Variants in EPHA5 observed in about 807,000 individuals in gnomAD.
The protein encoded by EPHA5 is EPH receptor A5, also known as ephrin type-A receptor 5.
EPHA5 carries 60 observed loss-of-function variants against 105.0 expected under a neutral mutation model. The ratio of observed to expected loss-of-function variants is 0.57; its 90% confidence interval spans 0.46 to 0.71. EPHA5 has a LOEUF of 0.71. Among genes scored for constraint, EPHA5 ranks in the 30% least tolerant of loss-of-function variants. The pLI, the probability that EPHA5 is intolerant of heterozygous loss-of-function variation, is 0.00. For missense variants in EPHA5, 1,218 were observed against 1,274.7 expected (o/e 0.96, Z 0.68); for synonymous variants, 513 against 449.1 (o/e 1.14, Z -1.80).
intron 3 of EPHA5, among the ~76,000 whole-genome samples, chr4:65,520,259 C>T (rs571462689): frequency 6.6e-6 from 1 of 152,002 alleles, no homozygotes; most frequent in Non-Finnish European, 1.5e-5. Context: ...ACAAACCTGA[C>T]AAAAACAAGC....
At chr4:65,359,785 T>C (rs191405251) in intron 11 of EPHA5, among the ~76,000 whole-genome samples, 1 of 151,780 alleles carries the variant, frequency 6.6e-6, no homozygotes, top group East Asian at 1.9e-4. Flanking sequence ...CACTGGGTCC[T>C]ACCACCTCTT....
intron 5 of EPHA5, among the ~76,000 whole-genome samples, chr4:65,442,352 C>A (rs1726102285): frequency 6.6e-6 from 1 of 152,110 alleles, no homozygotes. Flanking sequence ...TAGCAGAAGG[C>A]AACTGTGTGC....
At chr4:65,340,123 T>A (rs1337624247) in intron 14 of EPHA5, among the ~76,000 whole-genome samples, 1 of 152,066 alleles carries the variant, frequency 6.6e-6, no homozygotes, top group Non-Finnish European at 1.5e-5. Context: ...ACTAACATGG[T>A]CTCATTCAAG....
At chr4:65,519,678 G>A (rs1022752533) in intron 3 of EPHA5, among the ~76,000 whole-genome samples, 1 of 152,108 alleles carries the variant, frequency 6.6e-6, no homozygotes, top group African/African-American at 2.4e-5. Flanking sequence ...CTTCAGCAAA[G>A]TCTCAGGATA....
chr4:65,342,172 T>C (rs1246378400), intron 14 of EPHA5, among the ~76,000 whole-genome samples: 1 of 152,034 alleles, frequency 6.6e-6, no homozygotes, highest in African/African-American at 2.4e-5. Flanking sequence ...TTTGTTGTTG[T>C]TGTTGTTAAA....
At chr4:65,354,026 A>T (rs2148863343) in intron 11 of EPHA5, among the ~76,000 whole-genome samples, 1 of 151,798 alleles carries the variant, frequency 6.6e-6, no homozygotes, top group East Asian at 1.9e-4. Context: ...TCCCAGAGCA[A>T]TCACTTATTA....
chr4:65,550,356 C>T (rs897335577), intron 3 of EPHA5, among the ~76,000 whole-genome samples: 5 of 151,820 alleles, frequency 3.3e-5, no homozygotes, highest in African/African-American at 9.7e-5. Context: ...TGATATTTAT[C>T]CATTTTGACA....
intron 5 of EPHA5, among the ~76,000 whole-genome samples, chr4:65,423,078 T>C (rs1342396140): frequency 6.6e-6 from 1 of 152,062 alleles, no homozygotes; most frequent in Non-Finnish European, 1.5e-5. Flanking sequence ...TGGCAGTTTT[T>C]CAAAGTTTCC....
chr4:65,400,731 G>T lies in EPHA5; in HGVS notation c.1793+3643C>A, dbSNP rs1361865774. ...AAATAGATCAGTTTCACAATACCCA[G>T]TGTGTCATCATTTGCACTTTTTTTG... On this transcript the variant is annotated intron_variant, in intron 8 of 16. Transcript: ENST00000613740. Among the ~76,000 whole-genome samples the T allele has an allele frequency of 2.0e-5, 3 of 152,076 alleles. 1 individual carries two copies. The highest frequency in any genetic ancestry group is 6.8e-3 in the Middle Eastern group (2 of 294).
intron 10 of EPHA5, 123 bp from the exon 11 acceptor site, chr4:65,365,325 AC>A: frequency 1.2e-6 from 1 of 810,354 alleles, no homozygotes; most frequent in African/African-American, 1.7e-5. Context: ...AAACAAACAA[AC>A]AAACAAAAAG....
intron 6 of EPHA5, among the ~76,000 whole-genome samples, chr4:65,417,336 A>G (rs1339105739): frequency 6.6e-6 from 1 of 152,204 alleles, no homozygotes. Flanking sequence ...TTGAAAACCT[A>G]TCAGGACCCC....
chr4:65,419,685 T>C (rs997111991), intron 6 of EPHA5, among the ~76,000 whole-genome samples: 5 of 152,222 alleles, frequency 3.3e-5, no homozygotes, highest in South Asian at 2.1e-4. Context: ...GCGGGAGTAG[T>C]AGGAAGACTC....
At chr4:65,465,643 C>T (rs924993339) in intron 5 of EPHA5, among the ~76,000 whole-genome samples, 6 of 151,842 alleles carry the variant, frequency 4.0e-5, no homozygotes, top group African/African-American at 1.2e-4. Context: ...AAACAAAAAG[C>T]GGAAATAATA....
At chr4:65,667,267 A>G (rs1750045319) in intron 1 of EPHA5, among the ~76,000 whole-genome samples, 1 of 152,244 alleles carries the variant, frequency 6.6e-6, no homozygotes, top group African/African-American at 2.4e-5. Flanking sequence ...GAAGAGAAGA[A>G]TCTATATTTC....
intron 2 of EPHA5, among the ~76,000 whole-genome samples, chr4:65,641,775 G>A (rs1312837647): frequency 6.6e-6 from 1 of 151,626 alleles, no homozygotes; most frequent in Non-Finnish European, 1.5e-5. Context: ...ATAATTACAA[G>A]AATTTTGAAA....
intron 3 of EPHA5, among the ~76,000 whole-genome samples, chr4:65,502,899 T>C (rs185196074): frequency 7.2e-5 from 11 of 151,934 alleles, no homozygotes; most frequent in African/African-American, 2.7e-4. Context: ...AAAGAAGATG[T>C]GGTACAAGTA....
intron 8 of EPHA5, among the ~76,000 whole-genome samples, chr4:65,389,681 G>T (rs1720508941): frequency 6.6e-6 from 1 of 151,922 alleles, no homozygotes; most frequent in South Asian, 2.1e-4. Flanking sequence ...AAAATCAAGG[G>T]GAATAGGCAT....
intron 3 of EPHA5, among the ~76,000 whole-genome samples, chr4:65,585,877 A>G (rs1345017926): frequency 6.6e-6 from 1 of 151,822 alleles, no homozygotes; most frequent in Non-Finnish European, 1.5e-5. Context: ...TTGTAAAATT[A>G]GTAATATTTA....
chr4:65,528,362 T>C (rs1158665895), intron 3 of EPHA5, among the ~76,000 whole-genome samples: 2 of 152,030 alleles, frequency 1.3e-5, no homozygotes, highest in African/African-American at 4.8e-5. Context: ...GACAAAAATA[T>C]GTTTCTTAAA....
Sources: gnomAD v4.1 joint callset for allele counts (sites outside exome capture counted in the v4.1 genomes callset) on GRCh38, gnomAD v4.1.1 for gene constraint, MANE v1.5 for transcripts, NCBI Gene and HGNC (gene_info 2026-07-23, HGNC 2026-07-21) for gene names.